The following NTN4 variants were observed in gnomAD, a reference collection of about 807,000 sequenced individuals.
NTN4 encodes netrin-4.
In NTN4, 32 loss-of-function variants were observed where a neutral mutation model predicts 73.6. The ratio of observed to expected loss-of-function variants is 0.44; its 90% CI spans 0.33 to 0.58. The LOEUF (loss-of-function observed/expected upper bound fraction) is 0.58, where lower values mean the gene tolerates loss of function less well. NTN4 is among the 20% of genes least tolerant of loss of function. NTN4 has a pLI of 0.04. For synonymous variants in NTN4, 258 were observed against 287.5 expected (o/e 0.90, Z 1.04); for missense variants, 654 against 798.3 (o/e 0.82, Z 2.18).
In NTN4 at chr12:95,790,275, C is replaced by T; in HGVS notation, c.35G>A (p.Gly12Asp). The change falls in exon 1 of 10, where the codon GGC (glycine) becomes GAC (aspartate). Residue 12 changes from glycine to aspartate, a missense_variant. Physicochemically the swap from Gly to Asp is moderately conservative, Grantham distance 94. Transcript: ENST00000343702. This position sits in a 1 kb window ranked among gnomAD's most constrained non-coding sequence, Gnocchi z 6.5. ...CCCACCTGCGGCCACCACCGTGCAGCCCCAGAGCAGCAGCAGCCGCGCGCA... is the reference window on the plus strand; with the variant it reads ...CCCACCTGCGGCCACCACCGTGCAGTCCCAGAGCAGCAGCAGCCGCGCGCA... ...GSCARLLLLW[G>D]CTVVAAGLSG... 6.5e-7 allele frequency: 1 copy of T among 1,536,396 alleles called. No homozygotes were observed. Among genetic ancestry groups the T allele is most frequent in the Non-Finnish European group, 8.8e-7 (1 of 1,141,574 alleles).
At chr12:95,728,071 G>A (rs551884713) in intron 3 of NTN4, among the ~76,000 whole-genome samples, 1 of 151,890 alleles carries the variant, frequency 6.6e-6, no homozygotes, top group Admixed American at 6.6e-5. Context: ...CTGTAAATGA[G>A]ATTTTCTTAA....
chr12:95,659,060 G>T lies in NTN4; in HGVS notation c.*26C>A, dbSNP rs1346726363. The stretch of plus-strand genomic sequence containing the variant: ...GTTTGTGTTTTGTACATAGACAAGT[G>T]CCATTATGTGCTATCCATCTTAATG... On this transcript the variant is annotated 3_prime_UTR_variant, in exon 10 of 10. Coordinates refer to ENST00000343702, the MANE Select transcript of NTN4 (RefSeq NM_021229.4). The T allele has an allele frequency of 1.3e-6, 2 of 1,587,652 alleles. No homozygotes were observed. The highest frequency in any genetic ancestry group is 2.2e-5 in the East Asian group (1 of 44,598).
At position 95,787,417 on chromosome 12, in the gene NTN4, G is replaced by A; in HGVS notation, c.107C>T (p.Pro36Leu). Residue 36 changes from proline (P) to leucine (L), a missense_variant, in exon 2 of 10, where the codon CCT becomes CTT. By Grantham distance (98) the Pro-to-Leu change is moderately conservative. Coordinates refer to ENST00000343702, the MANE Select transcript of NTN4 (RefSeq NM_021229.4). Reference protein sequence around the residue: ...VSSRCEKACNPRMGNLALGRK... With the variant: ...VSSRCEKACNLRMGNLALGRK... The stretch of plus-strand genomic sequence containing the variant: ...CCCCAAAGCCAAATTTCCCATCCGA[G>A]GGTTGCAGGCTTTTTCACAGCGGGA... The A allele has an allele frequency of 6.2e-7, 1 of 1,614,182 alleles. No individual in the cohort carries two copies.
chr12:95,766,756 A>T (rs2079023838), intron 2 of NTN4, among the ~76,000 whole-genome samples: 1 of 152,224 alleles, frequency 6.6e-6, no homozygotes, highest in Non-Finnish European at 1.5e-5. Flanking sequence ...GGAAGACAGA[A>T]GGGCTCTTCT....
At chr12:95,772,247 C>T (rs1289153881) in intron 2 of NTN4, among the ~76,000 whole-genome samples, 2 of 152,078 alleles carry the variant, frequency 1.3e-5, no homozygotes, top group Non-Finnish European at 2.9e-5. Flanking sequence ...GCCATGTTAC[C>T]CAGGCTGGTC....
At chr12:95,748,621 C>T (rs1175121932) in intron 2 of NTN4, among the ~76,000 whole-genome samples, 2 of 152,040 alleles carry the variant, frequency 1.3e-5, no homozygotes, top group Non-Finnish European at 2.9e-5. Flanking sequence ...CAGGCACATG[C>T]CACCATGCCC....
chr12:95,676,810 T>C (rs2078277098), intron 7 of NTN4, among the ~76,000 whole-genome samples: 1 of 152,026 alleles, frequency 6.6e-6, no homozygotes, highest in Non-Finnish European at 1.5e-5. Flanking sequence ...TTAAGATCAG[T>C]ATAAGACAAT....
chr12:95,783,975 T>C (rs2079149589), intron 2 of NTN4, among the ~76,000 whole-genome samples: 1 of 152,206 alleles, frequency 6.6e-6, no homozygotes, highest in African/African-American at 2.4e-5. Flanking sequence ...TATTTCTGAA[T>C]GAACATTGGA....
Position 95,683,503 on chromosome 12 carries a change from G to C in NTN4, c.1389C>G (p.Ile463Met). The C allele has an allele frequency of 3.7e-6, 6 of 1,613,632 alleles. No individual in the cohort carries two copies. The highest frequency in any genetic ancestry group is 5.1e-6 in the Non-Finnish European group (6 of 1,179,680). ...GSCDPITGDCISSHTDIDWYH... is the reference protein window; with the variant it reads ...GSCDPITGDCMSSHTDIDWYH... ...CAAGAGCCTTGCACATTCACCTGCT[G>C]ATGCAGTCTCCGGTGATAGGGTCAC... Residue 463 changes from isoleucine to methionine, a missense_variant, in exon 6 of 10, where the codon ATC becomes ATG. Transcript: ENST00000343702.
At chr12:95,707,456 C>T (rs1193334305) in intron 5 of NTN4, among the ~76,000 whole-genome samples, 1 of 152,274 alleles carries the variant, frequency 6.6e-6, no homozygotes, top group South Asian at 2.1e-4. Flanking sequence ...GAAATCTCAC[C>T]TTCCCAGTGC....
At chr12:95,715,473 A>C (rs1265776570) in intron 3 of NTN4, among the ~76,000 whole-genome samples, 2 of 152,176 alleles carry the variant, frequency 1.3e-5, no homozygotes, top group African/African-American at 2.4e-5. Flanking sequence ...GGAATCCCCA[A>C]GTATGAATTG....
At chr12:95,721,983 T>C (rs1366773326) in intron 3 of NTN4, among the ~76,000 whole-genome samples, 4 of 151,984 alleles carry the variant, frequency 2.6e-5, no homozygotes, top group Non-Finnish European at 5.9e-5. Flanking sequence ...TCTGTGTACA[T>C]TGACTGGCCA....
intron 2 of NTN4, among the ~76,000 whole-genome samples, chr12:95,748,179 C>T (rs561548709): frequency 2.9e-5 from 4 of 137,568 alleles, no homozygotes; most frequent in African/African-American, 1.1e-4. Flanking sequence ...TGCAGTGAGC[C>T]GAGATCATGC....
At chr12:95,705,744 GTA>G (rs1009791558) in intron 5 of NTN4, among the ~76,000 whole-genome samples, 7 of 152,078 alleles carry the variant, frequency 4.6e-5, no homozygotes, top group African/African-American at 1.7e-4. Context: ...GTGTGTGTGT[GTA>G]TACCACTAGT....
intron 7 of NTN4, among the ~76,000 whole-genome samples, chr12:95,674,907 G>C (rs2078261201): frequency 6.6e-6 from 1 of 152,188 alleles, no homozygotes; most frequent in African/African-American, 2.4e-5. Context: ...TTATGTGCTT[G>C]GCTGGAATGC....
intron 5 of NTN4, among the ~76,000 whole-genome samples, chr12:95,699,176 T>C (rs1410698551): frequency 1.3e-5 from 2 of 152,218 alleles, no homozygotes; most frequent in African/African-American, 4.8e-5. Context: ...CAAGGATGTC[T>C]ATGTTGTTTA....
At chr12:95,691,160 A>G (rs1008147918) in intron 5 of NTN4, among the ~76,000 whole-genome samples, 6 of 152,246 alleles carry the variant, frequency 3.9e-5, no homozygotes, top group African/African-American at 1.4e-4. Flanking sequence ...ATAGCAGTCA[A>G]TATCTGACAC....
chr12:95,688,779 G>GAA (rs3047215), intron 5 of NTN4, among the ~76,000 whole-genome samples: 29,123 of 138,692 alleles, frequency 0.21, 3,203 homozygotes, highest in Non-Finnish European at 0.26. Flanking sequence ...AGAAGGAGGA[G>GAA]AAAAAAAAAA....
In NTN4 at chr12:95,787,137, G is replaced by A. The variant is rs1054620393; in HGVS notation, c.387C>T (p.His129=). 6.2e-7 allele frequency: 1 copy of A among 1,614,192 alleles called. No homozygotes were observed. Among genetic ancestry groups the A allele is most frequent in the Non-Finnish European group, 8.5e-7 (1 of 1,180,026 alleles). ...LDLEAEFYFT[H]LIVMFKSPRP... ...TGGGGGACTTGAACATCACAATTAG[G>A]TGAGTGAAGTAGAATTCAGCTTCCA... The change falls in exon 2 of 10, where the codon CAC becomes CAT. Residue 129 remains histidine, a synonymous_variant. Transcript: ENST00000343702.
Sources: allele counts gnomAD v4.1 joint callset (sites outside exome capture counted in the v4.1 genomes callset), GRCh38; gene constraint gnomAD v4.1.1; non-coding constraint Gnocchi (gnomAD v3.1); transcripts MANE v1.5; gene names NCBI Gene and HGNC (gene_info 2026-07-23, HGNC 2026-07-21).